NRXN3: variants seen among roughly 807,000 people sequenced by gnomAD.
The protein encoded by NRXN3 is neurexin 3.
NRXN3 carries 32 observed loss-of-function variants against 137.6 expected under a neutral mutation model. The ratio of observed to expected loss-of-function variants is 0.23; its 90% CI spans 0.18 to 0.31. NRXN3 has a LOEUF of 0.31. NRXN3 is among the 10% of genes least tolerant of loss of function. The probability of loss-of-function intolerance (pLI) is 1.00; values close to 1 mark genes in which losing one functional copy is unlikely to be tolerated. For synonymous variants in NRXN3, 798 were observed against 784.5 expected (o/e 1.02, Z -0.29); for missense variants, 1,574 against 2,062.5 (o/e 0.76, Z 4.59).
intron 17 of NRXN3, among the ~76,000 whole-genome samples, chr14:79,690,217 G>A (rs896850696): frequency 6.7e-6 from 1 of 149,830 alleles, no homozygotes; most frequent in African/African-American, 2.5e-5. Flanking sequence ...GTTTCAAAAA[G>A]GTACACGTTC....
intron 10 of NRXN3, among the ~76,000 whole-genome samples, chr14:78,935,003 G>T (rs1028521462): frequency 5.3e-5 from 8 of 151,950 alleles, no homozygotes; most frequent in African/African-American, 1.9e-4. Flanking sequence ...TAGACAATGG[G>T]CTTAAGTGTT....
chr14:79,078,515 G>T (rs972832654), intron 15 of NRXN3, among the ~76,000 whole-genome samples: 1 of 152,136 alleles, frequency 6.6e-6, no homozygotes, highest in Non-Finnish European at 1.5e-5. Flanking sequence ...CTCTATCCAT[G>T]CATGAGGACA....
chr14:79,099,194 C>T (rs1465442313), intron 15 of NRXN3, among the ~76,000 whole-genome samples: 1 of 152,140 alleles, frequency 6.6e-6, no homozygotes, highest in Non-Finnish European at 1.5e-5. Flanking sequence ...TTTTTAGATA[C>T]ATTGTATGTC....
intron 16 of NRXN3, among the ~76,000 whole-genome samples, chr14:79,624,810 T>TTTTTTTTTTTTTTTTG (rs2098266019): frequency 6.8e-6 from 1 of 147,774 alleles, no homozygotes; most frequent in African/African-American, 2.6e-5. Flanking sequence ...TTTGTTTGTT[T>TTTTTTTTTTTTTTTTG]TTGTTTTTTT....
chr14:79,214,235 G>A (rs1459127235), intron 15 of NRXN3, among the ~76,000 whole-genome samples: 2 of 152,176 alleles, frequency 1.3e-5, no homozygotes, highest in African/African-American at 4.8e-5. Flanking sequence ...CAATTCTGTG[G>A]TCACCTGGAA....
intron 8 of NRXN3, among the ~76,000 whole-genome samples, chr14:78,752,863 A>G (rs936114917): frequency 1.2e-4 from 18 of 152,228 alleles, no homozygotes; most frequent in Non-Finnish European, 2.4e-4. Flanking sequence ...TAAGGACATC[A>G]GGAAGCTGAT....
intron 19 of NRXN3, among the ~76,000 whole-genome samples, chr14:79,702,279 G>A (rs1331294166): frequency 6.6e-6 from 1 of 152,060 alleles, no homozygotes; most frequent in Non-Finnish European, 1.5e-5. Context: ...TTTTAGGGTT[G>A]CAAAGAAGAC....
intron 15 of NRXN3, among the ~76,000 whole-genome samples, chr14:79,127,871 C>T (rs1347850314): frequency 6.6e-6 from 1 of 151,562 alleles, no homozygotes; most frequent in African/African-American, 2.4e-5. Context: ...GTTTGTAGTT[C>T]TCCTTGAAGA....
intron 1 of NRXN3, among the ~76,000 whole-genome samples, chr14:78,221,563 A>T (rs1307719194): frequency 1.3e-5 from 2 of 152,242 alleles, no homozygotes; most frequent in Non-Finnish European, 2.9e-5. Flanking sequence ...TGCATAACAA[A>T]CAATCACAAA....
chr14:78,427,780 G>A (rs2093718597), intron 4 of NRXN3, among the ~76,000 whole-genome samples: 1 of 152,202 alleles, frequency 6.6e-6, no homozygotes. Flanking sequence ...CCCAGGCTAA[G>A]AACACAGATA....
At chr14:78,292,948 A>G (rs1389085221) in intron 3 of NRXN3, among the ~76,000 whole-genome samples, 1 of 152,180 alleles carries the variant, frequency 6.6e-6, no homozygotes, top group Non-Finnish European at 1.5e-5. Flanking sequence ...GTCGACTAGA[A>G]GGTCCATCTT....
At chr14:79,017,428 C>T (rs1159923233) in intron 15 of NRXN3, among the ~76,000 whole-genome samples, 1 of 151,880 alleles carries the variant, frequency 6.6e-6, no homozygotes, top group Non-Finnish European at 1.5e-5. Flanking sequence ...TTCCCTCCTC[C>T]TCCCCATGCC....
chr14:79,776,525 A>T (rs771278002), intron 19 of NRXN3, among the ~76,000 whole-genome samples: 6 of 152,026 alleles, frequency 3.9e-5, no homozygotes, highest in Non-Finnish European at 8.8e-5. Flanking sequence ...TGGTTATCTC[A>T]TCCTTTACCT....
chr14:79,538,702 T>C (rs1174073585), intron 16 of NRXN3, among the ~76,000 whole-genome samples: 1 of 152,184 alleles, frequency 6.6e-6, no homozygotes, highest in African/African-American at 2.4e-5. Flanking sequence ...CTGTTCACTG[T>C]GATGATAGTT....
intron 20 of NRXN3, among the ~76,000 whole-genome samples, chr14:79,854,745 T>G (rs139011059): frequency 6.6e-6 from 1 of 152,308 alleles, no homozygotes; most frequent in African/African-American, 2.4e-5. Flanking sequence ...ATTTGCATCT[T>G]TTTAAAATTC....
intron 15 of NRXN3, among the ~76,000 whole-genome samples, chr14:79,162,604 A>C (rs567676908): frequency 1.5e-4 from 23 of 152,018 alleles, no homozygotes; most frequent in African/African-American, 4.6e-4. Flanking sequence ...AAAAATGCTC[A>C]CCATCACTGG....
At chr14:78,559,539 A>G (rs1040242395) in intron 4 of NRXN3, among the ~76,000 whole-genome samples, 1 of 152,214 alleles carries the variant, frequency 6.6e-6, no homozygotes, top group South Asian at 2.1e-4. Context: ...TTATAGGGCA[A>G]ATAATGCTTA....
At chr14:79,198,655 A>G (rs1201263295) in intron 15 of NRXN3, among the ~76,000 whole-genome samples, 2 of 152,212 alleles carry the variant, frequency 1.3e-5, no homozygotes, top group South Asian at 4.1e-4. Context: ...CAGAAGTTAA[A>G]TGTCAGTAAT....
intron 16 of NRXN3, among the ~76,000 whole-genome samples, chr14:79,478,505 G>T (rs1299276501): frequency 6.6e-6 from 1 of 151,910 alleles, no homozygotes; most frequent in African/African-American, 2.4e-5. Context: ...TCTGTCACGG[G>T]CATCATTAAC....
Sources: gnomAD v4.1 joint callset for allele counts (sites outside exome capture counted in the v4.1 genomes callset) on GRCh38, gnomAD v4.1.1 for gene constraint, MANE v1.5 for transcripts, NCBI Gene and HGNC (gene_info 2026-07-23, HGNC 2026-07-21) for gene names.